Variants in MYO5B observed in about 807,000 individuals in gnomAD.
MYO5B encodes the protein myosin VB.
MYO5B carries 143 observed loss-of-function variants against 229.3 expected under a neutral mutation model. The ratio of observed to expected loss-of-function variants is 0.62; its 90% confidence interval spans 0.54 to 0.72. The LOEUF is 0.72. Among genes scored for constraint, MYO5B ranks in the 30% least tolerant of loss-of-function variants. The probability of loss-of-function intolerance (pLI) is 0.00; values close to 1 mark genes in which losing one functional copy is unlikely to be tolerated. For missense variants in MYO5B, 2,321 were observed against 2,331.0 expected (o/e 1.00, Z 0.09); for synonymous variants, 918 against 885.2 (o/e 1.04, Z -0.66).
At chr18:49,992,164 C>G in intron 6 of MYO5B, 124 bp downstream of exon 6, 1 of 1,344,310 alleles carries the variant, frequency 7.4e-7, no homozygotes. Flanking sequence ...ACCAAAAGAA[C>G]AACTACATTC....
chr18:50,013,273 T>A (rs10469004), intron 4 of MYO5B, among the ~76,000 whole-genome samples: 1 of 152,328 alleles, frequency 6.6e-6, no homozygotes, highest in South Asian at 2.1e-4. Flanking sequence ...CTACCCACTT[T>A]TTTCAGCCAC....
At chr18:50,106,994 A>AGATGTCTGGCCT (rs1182476813) in intron 1 of MYO5B, among the ~76,000 whole-genome samples, 4 of 152,022 alleles carry the variant, frequency 2.6e-5, no homozygotes, top group Non-Finnish European at 5.9e-5. Flanking sequence ...TCTTGGCCTA[A>AGATGTCTGGCCT]ACAGCCAGAC....
At chr18:50,089,233 C>T (rs1175670098) in intron 1 of MYO5B, among the ~76,000 whole-genome samples, 1 of 152,030 alleles carries the variant, frequency 6.6e-6, no homozygotes, top group East Asian at 1.9e-4. Context: ...CAAAAATTAG[C>T]CGGAAGTGGT....
At chr18:50,058,917 C>A (rs930214361) in intron 1 of MYO5B, among the ~76,000 whole-genome samples, 1 of 152,196 alleles carries the variant, frequency 6.6e-6, no homozygotes, top group Admixed American at 6.5e-5. Flanking sequence ...CAGTGCCCTA[C>A]CTTACTCGTC....
At chr18:50,137,594 A>C (rs2032354687) in intron 1 of MYO5B, among the ~76,000 whole-genome samples, 1 of 152,136 alleles carries the variant, frequency 6.6e-6, no homozygotes, top group Non-Finnish European at 1.5e-5. Context: ...AGAGCTATAA[A>C]CAGAACCACC....
chr18:50,189,766 G>C (rs1161196440), intron 1 of MYO5B, among the ~76,000 whole-genome samples: 1 of 152,192 alleles, frequency 6.6e-6, no homozygotes, highest in Admixed American at 6.5e-5. Context: ...ACTGGGTACA[G>C]AGGAAACAGG....
At chr18:50,043,486 TATTTTTATATA>T (rs2030117785) in intron 2 of MYO5B, among the ~76,000 whole-genome samples, 9 of 88,404 alleles carry the variant, frequency 1.0e-4, no homozygotes, top group African/African-American at 3.9e-4. Flanking sequence ...TATATAAATA[TATTTTTATATA>T]TAAATATAAA....
At chr18:49,965,593 T>C (rs1557355) in intron 10 of MYO5B, among the ~76,000 whole-genome samples, 74,486 of 151,884 alleles carry the variant, frequency 0.49, 20,517 homozygotes, top group East Asian at 0.62. Flanking sequence ...GAGTAATGCC[T>C]CCAGCAGCCA....
Position 49,825,670 on chromosome 18 carries a change from T to C in MYO5B, c.*801A>G, listed in dbSNP as rs1375670529. 1 of 152,392 alleles carries C rather than the reference T, an allele frequency of 6.6e-6. No individual in the cohort carries two copies. The highest frequency in any genetic ancestry group is 1.5e-5 in the Non-Finnish European group (1 of 68,040). The allele number at this position is 152,392 out of a possible 1,614,324, so 9.4% of individuals were successfully genotyped here. On this transcript the variant is annotated 3_prime_UTR_variant, in exon 40 of 40. Transcript: ENST00000285039. The stretch of plus-strand genomic sequence containing the variant: ...TCTAATATTTAGCTTATATACATTT[T>C]TGTGAAAGTTTTGTGGGACTTGGAA...
intron 22 of MYO5B, among the ~76,000 whole-genome samples, chr18:49,894,336 G>C (rs1787562): frequency 0.79 from 119,020 of 151,546 alleles, 46,915 homozygotes; most frequent in East Asian, 0.95. Flanking sequence ...CTGTGGGGGG[G>C]TCTCCAGGGG....
At chr18:50,052,698 AG>A (rs1437133660) in intron 2 of MYO5B, among the ~76,000 whole-genome samples, 1 of 23,782 alleles carries the variant, frequency 4.2e-5, no homozygotes, top group Non-Finnish European at 1.0e-4. Context: ...TAAAACTTAA[AG>A]TATAATAAAA....
chr18:50,069,038 A>G (rs1026381552), intron 1 of MYO5B, among the ~76,000 whole-genome samples: 1 of 152,122 alleles, frequency 6.6e-6, no homozygotes, highest in African/African-American at 2.4e-5. Flanking sequence ...AGTAGGTTCT[A>G]TCATTATTTA....
chr18:49,905,443 C>G (rs943581728), intron 19 of MYO5B, among the ~76,000 whole-genome samples: 24 of 152,292 alleles, frequency 1.6e-4, no homozygotes, highest in Admixed American at 1.3e-3. Flanking sequence ...ACTTCCTCCC[C>G]TTCTGAAGGG....
chr18:49,833,463 G>A (rs911634974), intron 39 of MYO5B, among the ~76,000 whole-genome samples: 6 of 151,574 alleles, frequency 4.0e-5, no homozygotes, highest in Non-Finnish European at 8.8e-5. Context: ...TATTTTGCTA[G>A]AACTGCGAGA....
intron 4 of MYO5B, among the ~76,000 whole-genome samples, chr18:50,036,386 T>G (rs1398520859): frequency 6.6e-6 from 1 of 152,226 alleles, no homozygotes; most frequent in African/African-American, 2.4e-5. Context: ...AGCTGCCAGT[T>G]TGAAACTTCA....
intron 39 of MYO5B, among the ~76,000 whole-genome samples, chr18:49,834,978 G>A (rs1043238485): frequency 2.6e-5 from 4 of 152,134 alleles, no homozygotes; most frequent in Non-Finnish European, 5.9e-5. Flanking sequence ...AGCTCAAATT[G>A]CTTTCTTTAA....
rs142942811 is a variant in MYO5B, at chr18:50,152,719, T to C, written c.27+42048A>G. Among the ~76,000 whole-genome samples, 600 of 152,308 alleles carry C rather than the reference T, an allele frequency of 3.9e-3. 3 individuals are homozygous for C. Among genetic ancestry groups the C allele is most frequent in the African/African-American group, 0.013 (531 of 41,550 alleles). The stretch of plus-strand genomic sequence containing the variant: ...GTACTTTATTATGACTTTTTTTATA[T>C]TTTGATTTTAAAACCCAGGAAAGCT... On this transcript the variant is annotated intron_variant, in intron 1 of 39. Transcript: ENST00000285039.
intron 1 of MYO5B, among the ~76,000 whole-genome samples, chr18:50,074,513 T>C (rs1283484418): frequency 2.0e-5 from 3 of 152,152 alleles, no homozygotes; most frequent in Non-Finnish European, 4.4e-5. Context: ...ACCAACCTCA[T>C]CTCTTTCCAT....
chr18:50,001,552 A>T (rs2026047447), intron 4 of MYO5B, 141 bp from the exon 5 acceptor site: 2 of 1,083,148 alleles, frequency 1.8e-6, no homozygotes, highest in Non-Finnish European at 2.8e-6. Context: ...ACAGTGTAAA[A>T]ATAGTCTGCC....
Sources: allele counts gnomAD v4.1 joint callset (sites outside exome capture counted in the v4.1 genomes callset), GRCh38; gene constraint gnomAD v4.1.1; transcripts MANE v1.5; gene names NCBI Gene and HGNC (gene_info 2026-07-23, HGNC 2026-07-21).